CORO2B: variants seen among roughly 807,000 people sequenced by gnomAD.
CORO2B encodes coronin-2B.
In CORO2B, 26 loss-of-function variants were observed where a neutral mutation model predicts 58.8. The ratio of observed to expected loss-of-function variants is 0.44; its 90% confidence interval spans 0.32 to 0.61. The LOEUF is 0.61. Among genes scored for constraint, CORO2B ranks in the 20% least tolerant of loss-of-function variants. The pLI is 0.04. For synonymous variants in CORO2B, 242 were observed against 253.8 expected, an observed-to-expected ratio of 0.95 and a Z score of 0.44; for missense variants, 460 against 645.1, an observed-to-expected ratio of 0.71 and a Z score of 3.11.
At chr15:68,718,318 T>C (rs544317993) in intron 8 of CORO2B, among the ~76,000 whole-genome samples, 1 of 152,210 alleles carries the variant, frequency 6.6e-6, no homozygotes, top group South Asian at 2.1e-4. Context: ...TTTCAGAGGG[T>C]AATGGGCTCT....
At chr15:68,681,518 A>C (rs558890614) in intron 2 of CORO2B, among the ~76,000 whole-genome samples, 1 of 152,336 alleles carries the variant, frequency 6.6e-6, no homozygotes, top group African/African-American at 2.4e-5. Context: ...TCATCCAAAT[A>C]TTGGGATTGG....
chr15:68,601,376 C>T (rs1899977808), intron 1 of CORO2B, among the ~76,000 whole-genome samples: 1 of 152,218 alleles, frequency 6.6e-6, no homozygotes. Flanking sequence ...AGCCAGCATC[C>T]TCTGAGCGTT....
intron 2 of CORO2B, among the ~76,000 whole-genome samples, chr15:68,685,318 C>A (rs1262185602): frequency 1.1e-4 from 16 of 152,182 alleles, no homozygotes; most frequent in Admixed American, 9.8e-4. Flanking sequence ...TCAAGCCATT[C>A]TCATGCCTCA....
intron 2 of CORO2B, among the ~76,000 whole-genome samples, chr15:68,658,714 A>T (rs1312761269): frequency 1.3e-5 from 2 of 152,164 alleles, no homozygotes; most frequent in Non-Finnish European, 2.9e-5. Context: ...ACTCTTTGGG[A>T]TTGGAACAAG....
Position 68,580,353 on chromosome 15 carries a change from C to A in CORO2B, c.15+1076C>A, listed in dbSNP as rs1426955010. ...TGGGGAGCTGGAGGCCAAAGTGGGA[C>A]CGGCAGCCCAGAGTGGGGTCAGATG... On this transcript the variant is annotated intron_variant, in intron 1 of 11. Transcript: ENST00000261861. 2.0e-5 allele frequency among the ~76,000 whole-genome samples: 3 copies of A among 151,046 alleles called. No homozygotes were observed. The East Asian group carries it at 5.9e-4, about 30-fold the overall frequency.
chr15:68,652,176 C>T (rs1024532669), intron 2 of CORO2B, among the ~76,000 whole-genome samples: 5 of 152,214 alleles, frequency 3.3e-5, no homozygotes, highest in African/African-American at 1.2e-4. Flanking sequence ...TGGCAGATCT[C>T]GAAGGAGTGG....
intron 2 of CORO2B, among the ~76,000 whole-genome samples, chr15:68,650,946 G>T (rs1033007249): frequency 2.0e-5 from 3 of 152,138 alleles, no homozygotes; most frequent in African/African-American, 7.2e-5. Flanking sequence ...GTCTTCATCT[G>T]CCTTGAACAT....
At chr15:68,610,447 C>A (rs868498854) in intron 1 of CORO2B, among the ~76,000 whole-genome samples, 5 of 152,164 alleles carry the variant, frequency 3.3e-5, no homozygotes, top group South Asian at 2.1e-4. Flanking sequence ...GGCTTGTCTT[C>A]CTCCCTGATC....
intron 3 of CORO2B, among the ~76,000 whole-genome samples, chr15:68,700,704 C>A (rs1892619604): frequency 6.6e-6 from 1 of 152,240 alleles, no homozygotes; most frequent in African/African-American, 2.4e-5. Context: ...TTTATAGCTT[C>A]TGCCGCAGCT....
At chr15:68,708,357 C>CTTTTTT (rs921103212) in intron 3 of CORO2B, among the ~76,000 whole-genome samples, 14 of 114,960 alleles carry the variant, frequency 1.2e-4, no homozygotes, top group East Asian at 7.4e-4. Context: ...TTTTTTTCTT[C>CTTTTTT]TTTTTTTTTT....
At chr15:68,602,407 TCACACACACACACACACACACACA>T (rs370587519) in intron 1 of CORO2B, among the ~76,000 whole-genome samples, 6 of 139,056 alleles carry the variant, frequency 4.3e-5, no homozygotes, top group Non-Finnish European at 7.9e-5. Flanking sequence ...TAGGGGCTGA[TCACACACACACACACACACACACA>T]CACACACACA....
At chr15:68,553,282 G>A in the CORO2B span, among the ~76,000 whole-genome samples, 1 of 152,200 alleles carries the variant, frequency 6.6e-6, no homozygotes, top group South Asian at 2.1e-4. Flanking sequence ...GTGGCAAAAG[G>A]AACTCTACAG....
chr15:68,633,807 C>T (rs1012690538), intron 1 of CORO2B, among the ~76,000 whole-genome samples: 1 of 152,234 alleles, frequency 6.6e-6, no homozygotes, highest in Non-Finnish European at 1.5e-5. Flanking sequence ...ATGCCATCCC[C>T]TGGCTGTAAT....
In CORO2B at chr15:68,673,418, T is replaced by C. The variant is rs529927585; in HGVS notation, c.217-21722T>C. Among the ~76,000 whole-genome samples, 10 of 151,952 alleles carry C rather than the reference T, an allele frequency of 6.6e-5. No homozygotes were observed. The South Asian group carries it at 8.3e-4, about 13-fold the overall frequency. Reference sequence around the variant, plus strand: ...GCCTGAGTCCGGCTACTTGGGAGGCTGAGGTAGGAGAATTGCTTGAGACTG... The same window carrying C: ...GCCTGAGTCCGGCTACTTGGGAGGCCGAGGTAGGAGAATTGCTTGAGACTG... On this transcript the variant is annotated intron_variant, in intron 2 of 11. Coordinates refer to ENST00000261861, the MANE Select transcript of CORO2B (RefSeq NM_006091.5).
At chr15:68,566,823 T>A in the CORO2B span, among the ~76,000 whole-genome samples, 1 of 152,302 alleles carries the variant, frequency 6.6e-6, no homozygotes, top group East Asian at 1.9e-4. Context: ...TCCCTTGGCA[T>A]TGATTTAGTA....
At chr15:68,630,581 C>G (rs1194213964) in intron 1 of CORO2B, among the ~76,000 whole-genome samples, 2 of 152,140 alleles carry the variant, frequency 1.3e-5, no homozygotes, top group Non-Finnish European at 2.9e-5. Context: ...GATCTACTAC[C>G]CTGTTCCTTT....
intron 9 of CORO2B, 101 bp downstream of exon 9, chr15:68,718,911 C>A: frequency 9.1e-7 from 1 of 1,104,046 alleles, no homozygotes; most frequent in Non-Finnish European, 1.4e-6. Context: ...GAGAGATGTG[C>A]TGTGAACTGG....
chr15:68,718,857 C>T (rs553564841), intron 9 of CORO2B, 47 bp downstream of exon 9: 1 of 1,475,314 alleles, frequency 6.8e-7, no homozygotes, highest in Non-Finnish European at 9.5e-7. Context: ...TGCATCGCCT[C>T]TTAGCCTGCT....
the CORO2B span, among the ~76,000 whole-genome samples, chr15:68,523,873 C>T: frequency 6.6e-6 from 1 of 152,112 alleles, no homozygotes; most frequent in African/African-American, 2.4e-5. Context: ...AAAATCTTGG[C>T]CCCTTAAATA....
Sources: allele counts gnomAD v4.1 joint callset (sites outside exome capture counted in the v4.1 genomes callset), GRCh38; gene constraint gnomAD v4.1.1; transcripts MANE v1.5; gene names NCBI Gene and HGNC (gene_info 2026-07-23, HGNC 2026-07-21).